The following TRABD2B variants were observed in gnomAD, a reference collection of about 807,000 sequenced individuals.
The protein encoded by TRABD2B is metalloprotease TIKI2.
A neutral mutation model predicts 40.1 loss-of-function variants in TRABD2B; 14 were observed. That is an observed-to-expected ratio of 0.35 (90% CI 0.23 to 0.55). The LOEUF (loss-of-function observed/expected upper bound fraction) is 0.55, where lower values mean the gene tolerates loss of function less well. TRABD2B is among the 20% of genes least tolerant of loss of function. TRABD2B has a pLI of 0.90. For synonymous variants in TRABD2B, 263 were observed against 277.0 expected (o/e 0.95, Z 0.50); for missense variants, 541 against 648.6 (o/e 0.83, Z 1.80).
At chr1:47,962,490 C>G (rs1325930634) in intron 2 of TRABD2B, among the ~76,000 whole-genome samples, 5 of 152,184 alleles carry the variant, frequency 3.3e-5, no homozygotes, top group Admixed American at 6.5e-5. Context: ...AGGTGTCCTA[C>G]AGTTTGCTCT....
chr1:47,919,630 T>G lies in TRABD2B; in HGVS notation c.666+74404A>C, dbSNP rs114544464. ...AGAGGATTGGACTGGACTAGACAGTTTGTGAGGACCATCTAGTGGAGCAAT... is the reference window on the plus strand; with the variant it reads ...AGAGGATTGGACTGGACTAGACAGTGTGTGAGGACCATCTAGTGGAGCAAT... On this transcript the variant is annotated intron_variant, in intron 2 of 6. Transcript: ENST00000606738. Among the ~76,000 whole-genome samples the G allele has an allele frequency of 7.6e-3, 1,164 of 152,336 alleles. 26 individuals are homozygous for G. The highest frequency in any genetic ancestry group is 0.027 in the African/African-American group (1,126 of 41,572).
rs182759410 is a variant in TRABD2B, at chr1:47,940,129, C to T, written c.666+53905G>A. ...TTCCCACAGGGACTCTTGCTTACAC[C>T]GTCTGCTCCTGTTTACAGTGCCCTT... On this transcript the variant is annotated intron_variant, in intron 2 of 6. Transcript: ENST00000606738. Among the ~76,000 whole-genome samples the T allele has an allele frequency of 2.1e-4, 32 of 152,350 alleles. 2 individuals carry two copies. Among genetic ancestry groups the T allele is most frequent in the Admixed American group, 2.6e-4 (4 of 15,308 alleles).
chr1:47,795,786 C>T (rs911402675), intron 3 of TRABD2B: 8 of 818,814 alleles, frequency 9.8e-6, no homozygotes, highest in Non-Finnish European at 1.2e-5. Context: ...CTTTCCAGGA[C>T]ATAATGCAAA....
At chr1:47,912,599 G>A (rs999331412) in intron 2 of TRABD2B, among the ~76,000 whole-genome samples, 18 of 152,188 alleles carry the variant, frequency 1.2e-4, no homozygotes, top group Non-Finnish European at 2.5e-4. Flanking sequence ...AAAACAATTT[G>A]TAACAACATT....
chr1:47,888,292 G>A (rs978084159), intron 2 of TRABD2B, among the ~76,000 whole-genome samples: 8 of 152,224 alleles, frequency 5.3e-5, no homozygotes, highest in Non-Finnish European at 8.8e-5. Flanking sequence ...GGGTTCTCCC[G>A]TGGAATTCCC....
At chr1:47,909,151 G>T (rs79835221) in intron 2 of TRABD2B, among the ~76,000 whole-genome samples, 1 of 152,196 alleles carries the variant, frequency 6.6e-6, no homozygotes, top group African/African-American at 2.4e-5. Flanking sequence ...TATTAAATAC[G>T]TGTGGACACG....
intron 2 of TRABD2B, among the ~76,000 whole-genome samples, chr1:47,918,527 T>C (rs2124727276): frequency 6.6e-6 from 1 of 152,282 alleles, no homozygotes; most frequent in East Asian, 1.9e-4. Context: ...CACAGTGGCC[T>C]TCACTGCTCT....
intron 2 of TRABD2B, among the ~76,000 whole-genome samples, chr1:47,810,628 T>C (rs1465805405): frequency 6.6e-6 from 1 of 151,748 alleles, no homozygotes; most frequent in Non-Finnish European, 1.5e-5. Flanking sequence ...GTGAGATGAG[T>C]TCCAAAGAAG....
intron 2 of TRABD2B, among the ~76,000 whole-genome samples, chr1:47,868,073 C>T (rs951761352): frequency 1.3e-5 from 2 of 152,126 alleles, no homozygotes; most frequent in East Asian, 3.9e-4. Context: ...TGAATTCCTA[C>T]CTAATGTGAA....
intron 2 of TRABD2B, among the ~76,000 whole-genome samples, chr1:47,811,689 G>A (rs889788168): frequency 1.3e-5 from 2 of 152,156 alleles, no homozygotes; most frequent in Non-Finnish European, 2.9e-5. Flanking sequence ...CTGCCCTGTT[G>A]GAGGGCAAAG....
chr1:47,807,484 G>C (rs958917858), intron 2 of TRABD2B, among the ~76,000 whole-genome samples: 5 of 152,204 alleles, frequency 3.3e-5, no homozygotes, highest in Non-Finnish European at 5.9e-5. Flanking sequence ...GAGCAGTTGA[G>C]GTTGTTGTTG....
At chr1:47,981,515 G>C (rs1023017437) in intron 2 of TRABD2B, among the ~76,000 whole-genome samples, 3 of 152,106 alleles carry the variant, frequency 2.0e-5, no homozygotes, top group Admixed American at 6.6e-5. Flanking sequence ...AAGTGGGGCA[G>C]TGCACATAAA....
chr1:47,972,398 T>C (rs1423446312), intron 2 of TRABD2B, among the ~76,000 whole-genome samples: 1 of 151,760 alleles, frequency 6.6e-6, no homozygotes, highest in African/African-American at 2.4e-5. Flanking sequence ...CAAATTCATG[T>C]GCTGAAATTC....
chr1:47,920,127 A>T (rs1447028593), intron 2 of TRABD2B, among the ~76,000 whole-genome samples: 1 of 152,234 alleles, frequency 6.6e-6, no homozygotes, highest in African/African-American at 2.4e-5. Context: ...CACCTGTATC[A>T]TAGGGTTTTC....
chr1:47,994,593 C>T lies in TRABD2B; in HGVS notation c.107G>A (p.Arg36Lys). The T allele has an allele frequency of 5.2e-6, 8 of 1,533,966 alleles. No individual in the cohort carries two copies. Among genetic ancestry groups the T allele is most frequent in the Non-Finnish European group, 7.0e-6 (8 of 1,145,780 alleles). The change falls in exon 2 of 7, where the codon AGG (arginine) becomes AAG (lysine). Residue 36 changes from arginine to lysine, a missense_variant. By Grantham distance (26) the Arg-to-Lys change is conservative. Coordinates refer to ENST00000606738, the MANE Select transcript of TRABD2B (RefSeq NM_001194986.2). This position sits in a 1 kb window ranked among gnomAD's most constrained non-coding sequence, Gnocchi z 6.7. ...GGQCRPPGSQ[R>K]DLNSFLWTIR... The stretch of plus-strand genomic sequence containing the variant: ...CGTCCACAGGAAGGAGTTCAAGTCC[C>T]TCTGCTGCAGGAGTAGAGAAGAGGC...
chr1:47,841,810 A>G (rs1645401498), intron 2 of TRABD2B, among the ~76,000 whole-genome samples: 1 of 140,410 alleles, frequency 7.1e-6, no homozygotes, highest in Non-Finnish European at 1.5e-5. Flanking sequence ...TTTGAGACAG[A>G]GTCTCGCTCT....
chr1:47,994,147 C>T lies in TRABD2B; in HGVS notation c.553G>A (p.Val185Met), dbSNP rs199656090. 8.5e-6 allele frequency: 13 copies of T among 1,536,336 alleles called. No homozygotes were observed. The highest frequency in any genetic ancestry group is 1.1e-5 in the Non-Finnish European group (13 of 1,146,996). The change falls in exon 2 of 7, where the codon GTG (valine) becomes ATG (methionine). Residue 185 changes from valine (V) to methionine (M), a missense_variant. By Grantham distance (21) the Val-to-Met change is conservative (BLOSUM62 1). This residue lies in a region of TRABD2B where 369 missense variants were observed against 492.8 expected (regional missense o/e 0.75). Coordinates refer to ENST00000606738, the MANE Select transcript of TRABD2B (RefSeq NM_001194986.2). This position sits in a 1 kb window ranked among gnomAD's most constrained non-coding sequence, Gnocchi z 6.7. ...ERDVRFRGVP[V>M]LDLYLAQQAE... ...TGCTGGGCCAGGTAGAGGTCGAGCA[C>T]GGGCACACCACGGAAGCGCACGTCC...
intron 2 of TRABD2B, among the ~76,000 whole-genome samples, chr1:47,803,084 G>T (rs921678994): frequency 6.6e-6 from 1 of 151,692 alleles, no homozygotes; most frequent in Non-Finnish European, 1.5e-5. Context: ...CGGCTCCCTC[G>T]TCTCCACTTG....
At chr1:47,907,688 T>C (rs543309707) in intron 2 of TRABD2B, among the ~76,000 whole-genome samples, 1 of 152,152 alleles carries the variant, frequency 6.6e-6, no homozygotes, top group African/African-American at 2.4e-5. Flanking sequence ...AGGAGGAGGA[T>C]CCCAGGTCGC....
Sources: allele counts gnomAD v4.1 joint callset (sites outside exome capture counted in the v4.1 genomes callset), GRCh38; gene constraint gnomAD v4.1.1; regional missense constraint gnomAD v4.1.1; non-coding constraint Gnocchi (gnomAD v3.1); transcripts MANE v1.5; gene names NCBI Gene and HGNC (gene_info 2026-07-23, HGNC 2026-07-21).